The following DST variants were observed in gnomAD, a reference collection of about 807,000 sequenced individuals.
DST encodes dystonin, also known as bullous pemphigoid antigen.
A neutral mutation model predicts 875.2 loss-of-function variants in DST; 253 were observed. That is an observed-to-expected ratio of 0.29 (90% CI 0.26 to 0.32). The LOEUF (loss-of-function observed/expected upper bound fraction) is 0.32, where lower values mean the gene tolerates loss of function less well. Among genes scored for constraint, DST ranks in the 10% least tolerant of loss-of-function variants. The pLI is 1.00. For synonymous variants in DST, 3,124 were observed against 3,197.1 expected (o/e 0.98, Z 0.77); for missense variants, 8,287 against 9,111.6 (o/e 0.91, Z 3.68).
At chr6:56,514,066 T>A (rs1204629967) in intron 72 of DST, among the ~76,000 whole-genome samples, 1 of 152,218 alleles carries the variant, frequency 6.6e-6, no homozygotes, top group Non-Finnish European at 1.5e-5. Flanking sequence ...CCTCCCTTTA[T>A]ACAGACAATC....
At chr6:56,471,404 A>C in intron 94 of DST, 136 bp from the exon 95 acceptor site, 1 of 615,248 alleles carries the variant, frequency 1.6e-6, no homozygotes, top group Admixed American at 3.7e-5. Context: ...ATGATCTTGC[A>C]AAGGGGACTT....
intron 9 of DST, among the ~76,000 whole-genome samples, chr6:56,673,887 CA>C (rs2099115201): frequency 6.6e-6 from 1 of 152,152 alleles, no homozygotes; most frequent in Non-Finnish European, 1.5e-5. Flanking sequence ...CTGCTACTTC[CA>C]ATAAACTGAA....
Position 56,459,042 on chromosome 6 carries a change from G to A in DST, c.23420C>T (p.Ser7807Leu). The A allele has an allele frequency of 6.2e-7, 1 of 1,612,958 alleles. No homozygotes were observed. The highest frequency in any genetic ancestry group is 2.2e-5 in the East Asian group (1 of 44,866). The change falls in exon 104 of 104, where the codon TCA becomes TTA. Residue 7807 changes from serine to leucine, a missense_variant. Physicochemically the swap from Ser to Leu is moderately radical, Grantham distance 145. Around this residue, in one of 10 missense-constraint regions of DST, gnomAD observed 240 missense variants for 237.3 expected, o/e 1.01. Coordinates refer to ENST00000680361, the MANE Select transcript of DST (RefSeq NM_001374736.1). Reference protein sequence around the residue: ...PSKIPTPQRKSPASKLDKSSK... With the variant: ...PSKIPTPQRKLPASKLDKSSK... Reference sequence around the variant, plus strand: ...GGACTTGTCCAATTTGCTGGCAGGTGATTTCCTCTGGGGCGTGGGGATTTT... The same window carrying A: ...GGACTTGTCCAATTTGCTGGCAGGTAATTTCCTCTGGGGCGTGGGGATTTT...
At chr6:56,808,888 T>C (rs1476074226) in intron 4 of DST, among the ~76,000 whole-genome samples, 2 of 152,216 alleles carry the variant, frequency 1.3e-5, no homozygotes, top group Non-Finnish European at 2.9e-5. Context: ...AATTTGTGAA[T>C]AATGGCTAGT....
At chr6:56,625,296 T>TTGAAGCAAAGTACTAGAGTTCC (rs1400165770) in intron 34 of DST, 32 bp from the exon 35 acceptor site, 6 of 1,382,214 alleles carry the variant, frequency 4.3e-6, no homozygotes, top group Non-Finnish European at 5.2e-6. Context: ...ATAAAATGAA[T>TTGAAGCAAAGTACTAGAGTTCC]TGAAGCAAAG....
chr6:56,838,448 T>A (rs935835747), intron 4 of DST, among the ~76,000 whole-genome samples: 3 of 152,166 alleles, frequency 2.0e-5, no homozygotes, highest in African/African-American at 7.2e-5. Context: ...AAGATAGCAG[T>A]AAGACAATAA....
At chr6:56,755,989 C>G (rs2099601687) in intron 4 of DST, among the ~76,000 whole-genome samples, 1 of 152,220 alleles carries the variant, frequency 6.6e-6, no homozygotes, top group Non-Finnish European at 1.5e-5. Context: ...CCAGCGATGA[C>G]AGCAGAGCCA....
At chr6:56,620,648 G>C in intron 36 of DST, 1 of 1,614,074 alleles carries the variant, frequency 6.2e-7, no homozygotes, top group Non-Finnish European at 8.5e-7. Flanking sequence ...CTCAAGCACT[G>C]TTGCCTTCTG....
intron 9 of DST, among the ~76,000 whole-genome samples, chr6:56,693,681 C>T (rs967715430): frequency 6.6e-6 from 1 of 152,048 alleles, no homozygotes; most frequent in South Asian, 2.1e-4. Flanking sequence ...CTACCCTCTA[C>T]CATATATTTT....
intron 9 of DST, among the ~76,000 whole-genome samples, chr6:56,671,244 G>T (rs555937187): frequency 6.6e-6 from 1 of 152,076 alleles, no homozygotes; most frequent in Non-Finnish European, 1.5e-5. Flanking sequence ...AAAATTCTAC[G>T]TTCTTCTTTC....
At chr6:56,648,775 A>G in intron 12 of DST, 86 bp from the exon 13 acceptor site, 1 of 1,159,558 alleles carries the variant, frequency 8.6e-7, no homozygotes, top group South Asian at 1.6e-5. Context: ...GTCATTCTGT[A>G]AATGTATGTA....
At chr6:56,905,100 T>C (rs1478485866) in intron 2 of DST, among the ~76,000 whole-genome samples, 3 of 152,196 alleles carry the variant, frequency 2.0e-5, no homozygotes, top group African/African-American at 7.2e-5. Flanking sequence ...TAAGAGTTAC[T>C]CTTCAACCAT....
chr6:56,470,390 A>C (rs1382080416), intron 95 of DST, 108 bp from the exon 96 acceptor site: 3 of 818,064 alleles, frequency 3.7e-6, no homozygotes, highest in Non-Finnish European at 3.5e-6. Flanking sequence ...TCAGTGATCA[A>C]ATATATTAAA....
chr6:56,851,382 C>A lies in DST; in HGVS notation c.625+15G>T, dbSNP rs1181116486. 1 of 1,610,450 alleles carries A rather than the reference C, an allele frequency of 6.2e-7. No individual in the cohort carries two copies. The highest frequency in any genetic ancestry group is 2.2e-5 in the East Asian group (1 of 44,854). On this transcript the variant is annotated intron_variant, in intron 4 of 103. Transcript: ENST00000680361. ...TCTCTTCCCCCACTCCATCCCCTTC[C>A]CCAGATGCTCTTACCTGCTATCCGA...
intron 4 of DST, among the ~76,000 whole-genome samples, chr6:56,746,530 T>C (rs1216085925): frequency 6.6e-6 from 1 of 152,042 alleles, no homozygotes; most frequent in East Asian, 1.9e-4. Context: ...AATCTGCACA[T>C]AGTAACACAA....
At chr6:56,910,466 A>ATTTATTTTAT (rs141557334) in intron 2 of DST, among the ~76,000 whole-genome samples, 4,253 of 151,326 alleles carry the variant, frequency 0.028, 189 homozygotes, top group African/African-American at 0.097. Flanking sequence ...TGAATTGTAC[A>ATTTATTTTAT]TTTATTTTAT....
intron 4 of DST, among the ~76,000 whole-genome samples, chr6:56,814,527 G>GA: frequency 6.6e-6 from 1 of 152,278 alleles, no homozygotes; most frequent in Middle Eastern, 3.4e-3. Context: ...GTCTATGACA[G>GA]ACCAAAGAAA....
chr6:56,934,822 T>C (rs1345224682), intron 2 of DST, among the ~76,000 whole-genome samples: 2 of 151,474 alleles, frequency 1.3e-5, no homozygotes, highest in African/African-American at 4.8e-5. Context: ...AATATTATTC[T>C]TAAAAAAAAT....
chr6:56,593,636 TC>T (rs2098326569), intron 48 of DST, 26 bp downstream of exon 48: 3 of 1,458,720 alleles, frequency 2.1e-6, no homozygotes, highest in African/African-American at 2.8e-5. Context: ...GATTGACTTT[TC>T]CCTTAAAAAA....
Sources: gnomAD v4.1 joint callset for allele counts (sites outside exome capture counted in the v4.1 genomes callset) on GRCh38, gnomAD v4.1.1 for gene constraint, gnomAD v4.1.1 regional missense constraint, MANE v1.5 for transcripts, NCBI Gene and HGNC (gene_info 2026-07-23, HGNC 2026-07-21) for gene names.